Variants in APBA3 observed in about 807,000 individuals in gnomAD.
The protein encoded by APBA3 is amyloid beta precursor protein binding family A member 3, also known as amyloid-beta A4 precursor protein-binding family A member 3.
In APBA3, 45 loss-of-function variants were observed where a neutral mutation model predicts 55.9. That is an observed-to-expected ratio of 0.80 (90% CI 0.63 to 1.03). The LOEUF is 1.03. Ranked by LOEUF, APBA3 falls within the 50% of genes least tolerant of loss-of-function variation. The pLI is 0.00. For missense variants in APBA3, 865 were observed against 820.3 expected (o/e 1.05, Z -0.67); for synonymous variants, 370 against 353.3 (o/e 1.05, Z -0.53).
intron 1 of APBA3, among the ~76,000 whole-genome samples, chr19:3,760,696 C>G (rs1346088570): frequency 2.0e-5 from 3 of 149,334 alleles, no homozygotes; most frequent in African/African-American, 5.0e-5. Flanking sequence ...TTGCAGTGAG[C>G]TGAGATCGCG....
At chr19:3,756,237 G>C (rs942463627) in intron 3 of APBA3, 1 of 152,184 alleles carries the variant, frequency 6.6e-6, no homozygotes. Context: ...CCAGCACTTT[G>C]GGAGGCAGAG....
At position 3,752,453 on chromosome 19, in the gene APBA3, G is replaced by A; in HGVS notation, c.1395+55C>T. ...CCTGGCCAGGGAGGAGACCTCTCTG[G>A]GACTCAGCTCCCCTTCCTGGGAGTG... On this transcript the variant is annotated intron_variant, in intron 8 of 10. Transcript: ENST00000316757. 4 of 1,475,834 alleles carry A rather than the reference G, an allele frequency of 2.7e-6. No individual in the cohort carries two copies. In the South Asian group the frequency reaches 3.8e-5, roughly 14 times the overall value. 91.4% of individuals were successfully genotyped at this position (1,475,834 alleles called of 1,614,324 possible).
intron 8 of APBA3, among the ~76,000 whole-genome samples, chr19:3,752,207 C>T (rs1274302774): frequency 6.6e-6 from 1 of 152,116 alleles, no homozygotes; most frequent in Non-Finnish European, 1.5e-5. Context: ...GAGACCTTGT[C>T]TCAAACAAAC....
chr19:3,753,987 C>A, intron 5 of APBA3, 32 bp downstream of exon 5: 1 of 1,591,782 alleles, frequency 6.3e-7, no homozygotes, highest in Non-Finnish European at 8.6e-7. Flanking sequence ...ATCACCCCAC[C>A]CGCATCCCTG....
In APBA3 at chr19:3,751,036, A is replaced by G; in HGVS notation, c.1718T>C (p.Val573Ala). Residue 573 changes from valine to alanine, a missense_variant, in exon 11 of 11, where the codon GTG (valine) becomes GCG (alanine). Coordinates refer to ENST00000316757, the MANE Select transcript of APBA3 (RefSeq NM_004886.4). ...YRLLTGQEQP[V>A]YL The stretch of plus-strand genomic sequence containing the variant: ...CAAGGGATGAGGTGGTCACAGGTAC[A>G]CGGGCTGCTCCTGGCCTGTAAGGAG... 1 of 1,560,500 alleles carries G rather than the reference A, an allele frequency of 6.4e-7. No homozygotes were observed. Among genetic ancestry groups the G allele is most frequent in the Non-Finnish European group, 8.7e-7 (1 of 1,152,044 alleles).
intron 6 of APBA3, chr19:3,753,193 C>A: frequency 1.6e-6 from 1 of 628,404 alleles, no homozygotes; most frequent in Non-Finnish European, 2.7e-6. Context: ...AGGGGAGGGG[C>A]AGCCCTGGGC....
At chr19:3,760,486 C>T (rs1259740484) in intron 1 of APBA3, among the ~76,000 whole-genome samples, 185 bp from the exon 2 acceptor site, 2 of 151,822 alleles carry the variant, frequency 1.3e-5, no homozygotes, top group Non-Finnish European at 2.9e-5. Context: ...CAGTGGCTCA[C>T]GCCTGTAATT....
rs950009669 is a variant in APBA3 at position 3,753,792 on chromosome 19, C to A, written c.984G>T (p.Met328Ile). Residue 328 changes from methionine to isoleucine, a missense_variant, in exon 6 of 11, where the codon ATG (methionine) becomes ATT (isoleucine). Coordinates refer to ENST00000316757, the MANE Select transcript of APBA3 (RefSeq NM_004886.4). ...PQDHGRRLYK[M>I]LCHVFYAEDA... The stretch of plus-strand genomic sequence containing the variant: ...CCTCCGCGTAGAATACGTGGCAGAG[C>A]ATCTTGTAGAGGCGGCGGCCGTGGT... 8 of 1,566,440 alleles carry A rather than the reference C, an allele frequency of 5.1e-6. No homozygotes were observed. The African/African-American group carries it at 1.1e-4, about 21-fold the overall frequency.
chr19:3,754,213 C>T lies in APBA3; in HGVS notation c.744G>A (p.Glu248=). The change falls in exon 4 of 11, where the codon GAG becomes GAA. Residue 248 remains glutamate, a synonymous_variant. Transcript: ENST00000316757. ...PTSTRMAQAR[E]AMDRVKAPDG... is the part of the protein sequence containing the mutation. The stretch of plus-strand genomic sequence containing the variant: ...CCCTCACCTTGACGCGGTCCATGGC[C>T]TCCCGGGCCTGGGCCATGCGCGTGC... 6.5e-7 allele frequency: 1 copy of T among 1,541,982 alleles called. No homozygotes were observed.
At chr19:3,751,765 T>C (rs1006492054) in intron 8 of APBA3, 8 of 583,440 alleles carry the variant, frequency 1.4e-5, no homozygotes, top group Non-Finnish European at 2.0e-5. Context: ...CGCTTCCTTA[T>C]GGCCAAAAGC....
Position 3,752,911 on chromosome 19 carries a change from G to C in APBA3, c.1091C>G (p.Pro364Arg), listed in dbSNP as rs2037028145. The C allele has an allele frequency of 1.2e-6, 2 of 1,613,408 alleles. No individual in the cohort carries two copies. The highest frequency in any genetic ancestry group is 1.7e-6 in the Non-Finnish European group (2 of 1,179,908). The change falls in exon 7 of 11, where the codon CCC (proline) becomes CGC (arginine). Residue 364 changes from proline (P) to arginine (R), a missense_variant. Coordinates refer to ENST00000316757, the MANE Select transcript of APBA3 (RefSeq NM_004886.4). ...GCTCGGGTGCACGCCCACCTGGCTGGGGTCAATACCGCTTTCCCGTAGGAA... is the reference window on the plus strand; with the variant it reads ...GCTCGGGTGCACGCCCACCTGGCTGCGGTCAATACCGCTTTCCCGTAGGAA... ...SQFLRESGID[P>R]SQVGVHPSPG...
chr19:3,758,148 C>A (rs562011865), intron 3 of APBA3, among the ~76,000 whole-genome samples: 112 of 152,250 alleles, frequency 7.4e-4, no homozygotes, highest in South Asian at 6.6e-3. Context: ...GTTGGCCAGG[C>A]TGGTCTCGAA....
intron 3 of APBA3, chr19:3,755,559 C>CGGT (rs1555743061): frequency 2.0e-5 from 1 of 51,244 alleles, no homozygotes; most frequent in African/African-American, 6.6e-5. Flanking sequence ...TTTAGGAGGC[C>CGGT]GGGGGGGGGG....
rs748479960 is a variant in APBA3 at position 3,752,931 on chromosome 19, T to C, written c.1071A>G (p.Leu357=). The change falls in exon 7 of 11, where the codon CTA becomes CTG. Residue 357 remains leucine (L), a synonymous_variant. Transcript: ENST00000316757. ...QAFAAAYSQF[L]RESGIDPSQV... ...GGCTGGGGTCAATACCGCTTTCCCG[T>C]AGGAACTGGCTGTAGGCGGCGGCGA... 10 of 1,613,392 alleles carry C rather than the reference T, an allele frequency of 6.2e-6. No individual in the cohort carries two copies. In the South Asian group the frequency reaches 9.9e-5, roughly 16 times the overall value.
intron 6 of APBA3, chr19:3,753,329 G>A: frequency 2.4e-6 from 1 of 420,998 alleles, no homozygotes; most frequent in Non-Finnish European, 4.3e-6. Context: ...AGGTTTCGGG[G>A]AGTCGGCCGA....
chr19:3,761,322 G>T (rs530746544), intron 1 of APBA3, among the ~76,000 whole-genome samples: 11 of 152,090 alleles, frequency 7.2e-5, no homozygotes, highest in Admixed American at 6.6e-4. Flanking sequence ...CCTCCATCCA[G>T]AACTTTAGAC....
intron 8 of APBA3, 119 bp downstream of exon 8, chr19:3,752,389 A>T: frequency 3.0e-6 from 3 of 984,908 alleles, no homozygotes; most frequent in Non-Finnish European, 4.4e-6. Flanking sequence ...GGCAGGACTT[A>T]AAAGTTCGAC....
intron 3 of APBA3, chr19:3,755,559 C>CGGGGGCG (rs1555743064): frequency 2.0e-5 from 1 of 51,244 alleles, no homozygotes. Context: ...TTTAGGAGGC[C>CGGGGGCG]GGGGGGGGGG....
At chr19:3,753,519 C>T in intron 6 of APBA3, 1 of 471,316 alleles carries the variant, frequency 2.1e-6, no homozygotes, top group Non-Finnish European at 3.7e-6. Context: ...ATGGTGATAC[C>T]CCGGTGGTCC....
Sources: allele counts gnomAD v4.1 joint callset (sites outside exome capture counted in the v4.1 genomes callset), GRCh38; gene constraint gnomAD v4.1.1; transcripts MANE v1.5; gene names NCBI Gene and HGNC (gene_info 2026-07-23, HGNC 2026-07-21).